The following VPS13D variants were observed in gnomAD, a reference collection of about 807,000 sequenced individuals.
VPS13D encodes vacuolar protein sorting 13 homolog D.
VPS13D carries 187 observed loss-of-function variants against 461.9 expected under a neutral mutation model. The ratio of observed to expected loss-of-function variants is 0.40; its 90% CI spans 0.36 to 0.46. The LOEUF (loss-of-function observed/expected upper bound fraction) is 0.46, where lower values mean the gene tolerates loss of function less well. Among genes scored for constraint, VPS13D ranks in the 20% least tolerant of loss-of-function variants. VPS13D has a pLI of 0.60. For missense variants in VPS13D, 4,711 were observed against 5,364.9 expected, an observed-to-expected ratio of 0.88 and a Z score of 3.81; for synonymous variants, 1,951 against 1,986.3, an observed-to-expected ratio of 0.98 and a Z score of 0.47.
intron 40 of VPS13D, among the ~76,000 whole-genome samples, chr1:12,340,280 G>A (rs1202118246): frequency 1.3e-5 from 2 of 152,012 alleles, no homozygotes; most frequent in Non-Finnish European, 2.9e-5. Context: ...GATGTATTTG[G>A]GGTATCTCTA....
At chr1:12,267,285 T>C (rs1458610206) in intron 14 of VPS13D, among the ~76,000 whole-genome samples, 3 of 152,236 alleles carry the variant, frequency 2.0e-5, no homozygotes, top group Admixed American at 2.0e-4. Flanking sequence ...TCAAGGTCAA[T>C]GTTTGGGTTT....
intron 65 of VPS13D, among the ~76,000 whole-genome samples, chr1:12,437,079 G>A (rs1319025715): frequency 6.6e-6 from 1 of 152,110 alleles, no homozygotes; most frequent in African/African-American, 2.4e-5. Context: ...GGCGGGAGGG[G>A]GGTACCCAAA....
intron 65 of VPS13D, among the ~76,000 whole-genome samples, chr1:12,448,097 G>C (rs1052167195): frequency 3.9e-5 from 6 of 152,096 alleles, no homozygotes; most frequent in Non-Finnish European, 8.8e-5. Flanking sequence ...TAACTCCATG[G>C]GTGGTGTTCT....
At chr1:12,386,650 C>A (rs552253363) in intron 60 of VPS13D, among the ~76,000 whole-genome samples, 2 of 152,254 alleles carry the variant, frequency 1.3e-5, no homozygotes, top group East Asian at 3.9e-4. Context: ...TGAGGTCTGT[C>A]ATAGGGAGAA....
intron 59 of VPS13D, among the ~76,000 whole-genome samples, chr1:12,385,893 A>G (rs535034099): frequency 2.6e-5 from 4 of 152,330 alleles, no homozygotes; most frequent in Non-Finnish European, 5.9e-5. Context: ...AAGATTACCA[A>G]ATAATTAGAT....
chr1:12,399,191 A>G (rs1223718771), intron 60 of VPS13D, among the ~76,000 whole-genome samples: 1 of 151,540 alleles, frequency 6.6e-6, no homozygotes, highest in Non-Finnish European at 1.5e-5. Context: ...CTTTTTTCAA[A>G]TAGTTGATTT....
At chr1:12,241,725 A>C (rs1640380588) in intron 2 of VPS13D, among the ~76,000 whole-genome samples, 1 of 152,214 alleles carries the variant, frequency 6.6e-6, no homozygotes, top group South Asian at 2.1e-4. Flanking sequence ...TTGTAAGTAG[A>C]GGTGCTAAGG....
chr1:12,295,600 A>G (rs1349018456), intron 24 of VPS13D, among the ~76,000 whole-genome samples: 1 of 152,242 alleles, frequency 6.6e-6, no homozygotes, highest in Non-Finnish European at 1.5e-5. Flanking sequence ...TGTTTTCTAT[A>G]CATTTTTCTC....
At chr1:12,388,401 C>T (rs1471966256) in intron 60 of VPS13D, among the ~76,000 whole-genome samples, 24 of 151,776 alleles carry the variant, frequency 1.6e-4, no homozygotes, top group Admixed American at 1.6e-3. Context: ...GTGGTGAAAC[C>T]CCATCTCTAC....
chr1:12,247,872 T>C (rs914170166), intron 5 of VPS13D, among the ~76,000 whole-genome samples: 4 of 150,498 alleles, frequency 2.7e-5, no homozygotes, highest in Admixed American at 6.6e-5. Flanking sequence ...CCTGGCTAAG[T>C]TTTGTATTTT....
At chr1:12,356,647 G>A (rs1643888233) in intron 49 of VPS13D, 123 bp downstream of exon 49, 5 of 1,290,010 alleles carry the variant, frequency 3.9e-6, no homozygotes, top group Non-Finnish European at 3.1e-6. Flanking sequence ...ACTTGGCAGG[G>A]GAATAGAACC....
At chr1:12,285,662 A>T (rs991455266) in intron 21 of VPS13D, among the ~76,000 whole-genome samples, 14 of 152,300 alleles carry the variant, frequency 9.2e-5, no homozygotes, top group African/African-American at 2.9e-4. Context: ...TTTCTAAAAA[A>T]ACAATGGACA....
At chr1:12,298,060 GGT>G (rs1642324116) in intron 24 of VPS13D, among the ~76,000 whole-genome samples, 1 of 152,034 alleles carries the variant, frequency 6.6e-6, no homozygotes. Flanking sequence ...GAAAAGATAT[GGT>G]GTTGATGTGG....
chr1:12,275,294 A>C (rs1474722026), intron 18 of VPS13D, among the ~76,000 whole-genome samples: 1 of 152,082 alleles, frequency 6.6e-6, no homozygotes, highest in Non-Finnish European at 1.5e-5. Context: ...ACATGCCTGT[A>C]ATCCCAGCTG....
At chr1:12,498,701 G>T (rs898995991) in intron 68 of VPS13D, among the ~76,000 whole-genome samples, 1 of 152,124 alleles carries the variant, frequency 6.6e-6, no homozygotes, top group African/African-American at 2.4e-5. Flanking sequence ...AGTTCTAAAG[G>T]CTGAGAGGTC....
At chr1:12,246,276 T>C (rs1480130781) in intron 5 of VPS13D, among the ~76,000 whole-genome samples, 2 of 152,208 alleles carry the variant, frequency 1.3e-5, no homozygotes, top group Non-Finnish European at 2.9e-5. Flanking sequence ...GATGATTACA[T>C]TTCAAAGGAG....
intron 30 of VPS13D, 58 bp downstream of exon 30, chr1:12,314,385 C>T (rs549119702): frequency 3.2e-5 from 50 of 1,554,060 alleles, no homozygotes; most frequent in Admixed American, 2.2e-4. Context: ...TTTTGGGTCA[C>T]GTCTTTGTTG....
intron 67 of VPS13D, among the ~76,000 whole-genome samples, chr1:12,482,080 C>A (rs1214354488): frequency 1.3e-5 from 2 of 152,152 alleles, no homozygotes; most frequent in African/African-American, 2.4e-5. Flanking sequence ...GAAAGCAAGA[C>A]CGTGCTGGAG....
chr1:12,356,027 T>G lies in VPS13D; in HGVS notation c.9808T>G (p.Cys3270Gly). 1 of 1,614,080 alleles carries G rather than the reference T, an allele frequency of 6.2e-7. No homozygotes were observed. Among genetic ancestry groups the G allele is most frequent in the Non-Finnish European group, 8.5e-7 (1 of 1,179,970 alleles). The change falls in exon 48 of 70, where the codon TGT becomes GGT. Residue 3270 changes from cysteine (C) to glycine (G), a missense_variant. Around this residue, in one of 3 missense-constraint regions of VPS13D, gnomAD observed 4,411 missense variants for 4,937.8 expected, o/e 0.89. Coordinates refer to ENST00000620676, the MANE Select transcript of VPS13D (RefSeq NM_015378.4). ...RQLNLTIRIV[C>G]RAEGSLKIFI... is the part of the protein sequence containing the mutation. Reference sequence around the variant, plus strand: ...GCTGAACCTCACCATCCGGATTGTGTGTCGAGCAGAAGGATCCTTAAAGAT... The same window carrying G: ...GCTGAACCTCACCATCCGGATTGTGGGTCGAGCAGAAGGATCCTTAAAGAT...
Sources: allele counts gnomAD v4.1 joint callset (sites outside exome capture counted in the v4.1 genomes callset), GRCh38; gene constraint gnomAD v4.1.1; regional missense constraint gnomAD v4.1.1; transcripts MANE v1.5; gene names NCBI Gene and HGNC (gene_info 2026-07-23, HGNC 2026-07-21).